The following IL1RAPL1 variants were observed in gnomAD, a reference collection of about 807,000 sequenced individuals.
IL1RAPL1 encodes the protein interleukin-1 receptor accessory protein-like 1.
IL1RAPL1 carries 3 observed loss-of-function variants against 48.4 expected under a neutral mutation model. The ratio of observed to expected loss-of-function variants is 0.06; its 90% CI spans 0.03 to 0.16. The LOEUF is 0.16. Among genes scored for constraint, IL1RAPL1 ranks in the 10% least tolerant of loss-of-function variants. The pLI, the probability that IL1RAPL1 is intolerant of heterozygous loss-of-function variation, is 1.00. For synonymous variants in IL1RAPL1, 185 were observed against 187.7 expected (o/e 0.99, Z 0.12); for missense variants, 349 against 530.6 (o/e 0.66, Z 3.36).
intron 1 of IL1RAPL1, among the ~76,000 whole-genome samples, chrX:28,670,071 A>G (rs1934932695): frequency 9.0e-6 from 1 of 111,168 alleles, no homozygotes; most frequent in Admixed American, 9.7e-5. Flanking sequence ...AGGATGACCA[A>G]TTATCCCATT....
At chrX:28,753,884 C>T (rs980981867) in intron 1 of IL1RAPL1, among the ~76,000 whole-genome samples, 4 of 106,976 alleles carry the variant, frequency 3.7e-5, no homozygotes, top group East Asian at 5.8e-4. Context: ...TTTTTTAAGA[C>T]GGGAAGGCTG....
At chrX:28,752,034 T>C (rs949162622) in intron 1 of IL1RAPL1, among the ~76,000 whole-genome samples, 8 of 112,171 alleles carry the variant, frequency 7.1e-5, no homozygotes, top group Admixed American at 1.9e-4. Flanking sequence ...TGAAAGAAGA[T>C]GCTCAGTATA....
chrX:28,775,532 A>C (rs756979144), intron 1 of IL1RAPL1, among the ~76,000 whole-genome samples: 14 of 112,705 alleles, frequency 1.2e-4, no homozygotes, highest in Non-Finnish European at 2.3e-4. Context: ...CACTCTTTCC[A>C]AGATCACATA....
chrX:28,784,316 A>G (rs1048840546), intron 1 of IL1RAPL1, among the ~76,000 whole-genome samples: 2 of 112,278 alleles, frequency 1.8e-5, no homozygotes, highest in Non-Finnish European at 3.8e-5. Context: ...TTTAATCTTG[A>G]ATATAGTAAT....
rs190446674 is a variant in IL1RAPL1 at position 28,599,926 on chromosome X, C to T, written c.-25+11879C>T. Among the ~76,000 whole-genome samples, 146 of 111,973 alleles carry T rather than the reference C, an allele frequency of 1.3e-3. 1 individual carries two copies. Among genetic ancestry groups the T allele is most frequent in the African/African-American group, 4.7e-3 (145 of 30,813 alleles). On this transcript the variant is annotated intron_variant, in intron 1 of 10. Transcript: ENST00000378993. ...CCTTCAAAATTGTCTCACATTGAGT[C>T]AAGGGGGTTGGGGCTTTCTGTTTTC...
chrX:29,028,764 G>T (rs956989261), intron 2 of IL1RAPL1, among the ~76,000 whole-genome samples: 1 of 111,147 alleles, frequency 9.0e-6, no homozygotes, highest in Non-Finnish European at 1.9e-5. Context: ...AGCTGCTGGG[G>T]TCAGCCTGGC....
chrX:28,667,117 G>C (rs1934889070), intron 1 of IL1RAPL1, among the ~76,000 whole-genome samples: 1 of 111,165 alleles, frequency 9.0e-6, no homozygotes, highest in Non-Finnish European at 1.9e-5. Flanking sequence ...TTTTCAGGAT[G>C]GTCATTTAAA....
At chrX:29,334,225 G>A (rs1435035196) in intron 3 of IL1RAPL1, among the ~76,000 whole-genome samples, 1 of 68,925 alleles carries the variant, frequency 1.5e-5, no homozygotes, top group Non-Finnish European at 2.8e-5. Flanking sequence ...CCTCCCGGAC[G>A]GGGCGGCTGG....
chrX:28,670,617 TTAAG>T (rs1230820514), intron 1 of IL1RAPL1, among the ~76,000 whole-genome samples: 1 of 111,918 alleles, frequency 8.9e-6, no homozygotes, highest in East Asian at 2.8e-4. Context: ...TAATATAAAC[TTAAG>T]TAAGTCACTT....
chrX:29,550,672 G>T (rs186215165), intron 5 of IL1RAPL1, among the ~76,000 whole-genome samples: 256 of 111,222 alleles, frequency 2.3e-3, no homozygotes, highest in African/African-American at 7.9e-3. Flanking sequence ...TGCTCTCATG[G>T]CATTGTACAG....
chrX:29,547,746 G>T (rs949703613), intron 5 of IL1RAPL1, among the ~76,000 whole-genome samples: 3 of 111,795 alleles, frequency 2.7e-5, no homozygotes, highest in Non-Finnish European at 5.7e-5. Flanking sequence ...ACTAAATAAG[G>T]TTCCAAATAT....
intron 2 of IL1RAPL1, among the ~76,000 whole-genome samples, chrX:29,059,683 A>G (rs1156758881): frequency 1.8e-5 from 2 of 111,789 alleles, no homozygotes; most frequent in Non-Finnish European, 3.8e-5. Context: ...TAATTTGATA[A>G]TATTTTTAGT....
At chrX:29,462,303 G>A (rs1212504633) in intron 5 of IL1RAPL1, among the ~76,000 whole-genome samples, 2 of 111,134 alleles carry the variant, frequency 1.8e-5, no homozygotes, top group South Asian at 3.8e-4. Flanking sequence ...CTTTCATACC[G>A]CTTGTCACCA....
intron 2 of IL1RAPL1, among the ~76,000 whole-genome samples, chrX:29,260,260 C>T (rs368014842): frequency 4.4e-5 from 5 of 112,404 alleles, no homozygotes; most frequent in East Asian, 2.8e-4. Flanking sequence ...AAACTCTAAT[C>T]GTGCAGACTT....
intron 1 of IL1RAPL1, among the ~76,000 whole-genome samples, chrX:28,735,555 A>G (rs912834121): frequency 1.8e-5 from 2 of 110,577 alleles, no homozygotes; most frequent in Admixed American, 1.9e-4. Context: ...AGGTGGAAGG[A>G]TTGCTTGAGG....
chrX:29,410,999 CAAGAAG>C (rs1383344749), intron 5 of IL1RAPL1, among the ~76,000 whole-genome samples: 1 of 111,268 alleles, frequency 9.0e-6, no homozygotes, highest in Non-Finnish European at 1.9e-5. Context: ...ATTTGCTGCT[CAAGAAG>C]AATTGACCAG....
intron 5 of IL1RAPL1, among the ~76,000 whole-genome samples, chrX:29,479,437 A>G (rs1199121149): frequency 9.5e-6 from 1 of 105,726 alleles, no homozygotes; most frequent in South Asian, 4.3e-4. Flanking sequence ...AAAAATTAGC[A>G]TTGTAAGTGT....
intron 5 of IL1RAPL1, among the ~76,000 whole-genome samples, chrX:29,512,021 T>C (rs1935398106): frequency 9.0e-6 from 1 of 111,550 alleles, no homozygotes; most frequent in South Asian, 3.7e-4. Flanking sequence ...AAATGTAGCA[T>C]GTCCAATGTA....
At chrX:29,468,584 G>T (rs1001387306) in intron 5 of IL1RAPL1, among the ~76,000 whole-genome samples, 1 of 111,869 alleles carries the variant, frequency 8.9e-6, no homozygotes, top group Admixed American at 9.5e-5. Flanking sequence ...GGCTCATCAC[G>T]GTGACCTTTA....
Sources: gnomAD v4.1 joint callset for allele counts (sites outside exome capture counted in the v4.1 genomes callset) on GRCh38, gnomAD v4.1.1 for gene constraint, MANE v1.5 for transcripts, NCBI Gene and HGNC (gene_info 2026-07-23, HGNC 2026-07-21) for gene names.